CRTAC1: variants seen among roughly 807,000 people sequenced by gnomAD.
The protein encoded by CRTAC1 is acidic secreted protein in cartilage.
In CRTAC1, 37 loss-of-function variants were observed where a neutral mutation model predicts 67.8. The ratio of observed to expected loss-of-function variants is 0.55; its 90% CI spans 0.42 to 0.72. The LOEUF (loss-of-function observed/expected upper bound fraction) is 0.72. Among genes scored for constraint, CRTAC1 ranks in the 30% least tolerant of loss-of-function variants. CRTAC1 has a pLI of 0.00. For synonymous variants in CRTAC1, 348 were observed against 371.0 expected (o/e 0.94, Z 0.71); for missense variants, 780 against 931.6 (o/e 0.84, Z 2.12).
intron 2 of CRTAC1, among the ~76,000 whole-genome samples, chr10:97,969,868 C>G (rs2051679972): frequency 2.6e-5 from 4 of 152,194 alleles, no homozygotes; most frequent in African/African-American, 9.7e-5. Flanking sequence ...TGACCTCACA[C>G]AGTATCAGGG....
intron 14 of CRTAC1, among the ~76,000 whole-genome samples, chr10:97,873,880 A>T (rs1042378950): frequency 1.3e-5 from 2 of 152,082 alleles, no homozygotes; most frequent in African/African-American, 4.8e-5. Flanking sequence ...TCCTCTCTGC[A>T]CTCGGGACCC....
chr10:97,931,138 C>T (rs2147880), intron 3 of CRTAC1, among the ~76,000 whole-genome samples: 131,514 of 152,152 alleles, frequency 0.86, 57,901 homozygotes, highest in South Asian at 0.96. Flanking sequence ...ATTAAAACTG[C>T]ACTTAGATAT....
intron 2 of CRTAC1, among the ~76,000 whole-genome samples, chr10:97,954,107 C>T (rs1305351921): frequency 6.6e-6 from 1 of 152,098 alleles, no homozygotes; most frequent in Non-Finnish European, 1.5e-5. Flanking sequence ...CCCTGCAGAA[C>T]CCCAGACCCC....
intron 3 of CRTAC1, among the ~76,000 whole-genome samples, chr10:97,935,561 C>T (rs928539251): frequency 6.6e-6 from 1 of 152,190 alleles, no homozygotes; most frequent in Non-Finnish European, 1.5e-5. Flanking sequence ...CGGATGCACA[C>T]TTCAGTTCGG....
intron 2 of CRTAC1, among the ~76,000 whole-genome samples, chr10:97,956,241 C>A (rs968073734): frequency 9.9e-5 from 15 of 152,260 alleles, no homozygotes; most frequent in African/African-American, 3.6e-4. Flanking sequence ...TGACTGCTTA[C>A]TGTCTGCCAG....
chr10:97,879,903 A>G, intron 14 of CRTAC1: 1 of 1,115,554 alleles, frequency 9.0e-7, no homozygotes, highest in Non-Finnish European at 1.3e-6. Context: ...AGAAATTACC[A>G]GTTTAGAAAT....
rs1554938458 is a variant in CRTAC1 at position 98,029,488 on chromosome 10, AGCAGCGGCG to A, written c.24+952_24+960del. 6.5e-5 allele frequency among the ~76,000 whole-genome samples: 8 copies of A among 122,838 alleles called. No homozygotes were observed. Among genetic ancestry groups the A allele is most frequent in the Admixed American group, 1.6e-4 (2 of 12,826 alleles). The allele number at this position is 122,838 out of a possible 152,430, so 80.6% of individuals were successfully genotyped here. The stretch of plus-strand genomic sequence containing the variant: ...CACACTGGGTGCACCCACCAGCAGC[AGCAGCGGCG>A]GCGGCGGCGGCGGCGGCGGCGGCGG... On this transcript the variant is annotated intron_variant, in intron 1 of 14. Coordinates refer to ENST00000370597, the MANE Select transcript of CRTAC1 (RefSeq NM_018058.7). The surrounding 1 kb of genome is among the most constrained non-coding windows in gnomAD (Gnocchi z 4.7).
chr10:97,923,477 G>A (rs1459886916), intron 3 of CRTAC1, 77 bp from the exon 4 acceptor site: 15 of 1,577,560 alleles, frequency 9.5e-6, no homozygotes, highest in South Asian at 4.5e-5. Context: ...ATGTCTCATG[G>A]CACCTTTCAC....
intron 3 of CRTAC1, among the ~76,000 whole-genome samples, chr10:97,928,102 G>A (rs2050949354): frequency 6.6e-6 from 1 of 152,248 alleles, no homozygotes; most frequent in African/African-American, 2.4e-5. Flanking sequence ...ATTTGGGGCA[G>A]GGCAGGGGGC....
chr10:97,890,230 C>T (rs2050349234), intron 11 of CRTAC1, among the ~76,000 whole-genome samples: 1 of 152,122 alleles, frequency 6.6e-6, no homozygotes, highest in African/African-American at 2.4e-5. Context: ...GATCTTCCTG[C>T]CTCATCCTCC....
Position 97,975,047 on chromosome 10 carries a change from G to T in CRTAC1, c.224+36091C>A, listed in dbSNP as rs554957274. Among the ~76,000 whole-genome samples, 3 of 152,216 alleles carry T rather than the reference G, an allele frequency of 2.0e-5. No individual in the cohort carries two copies. Among genetic ancestry groups the T allele is most frequent in the Non-Finnish European group, 2.9e-5 (2 of 68,008 alleles). On this transcript the variant is annotated intron_variant, in intron 2 of 14. Coordinates refer to ENST00000370597, the MANE Select transcript of CRTAC1 (RefSeq NM_018058.7). The surrounding 1 kb of genome is among the most constrained non-coding windows in gnomAD (Gnocchi z 4.8). ...GAGGCCGGAGCGCGGGCAGGGACTG[G>T]CGCGGGATCGATTCCCGGGTGGCGG...
rs569011920 is a variant in CRTAC1, at chr10:97,919,465, G to T, written c.559-1809C>A. ...ATGTTGCTGGAATATAAAATGCAAG[G>T]CAGAGAGTGTCAAGGGATGAAGCTG... On this transcript the variant is annotated intron_variant, in intron 4 of 14. Coordinates refer to ENST00000370597, the MANE Select transcript of CRTAC1 (RefSeq NM_018058.7). Among the ~76,000 whole-genome samples, 60 of 152,306 alleles carry T rather than the reference G, an allele frequency of 3.9e-4. No individual in the cohort carries two copies. The South Asian group carries it at 6.4e-3, about 16-fold the overall frequency.
At chr10:97,938,073 G>A (rs1182571294) in intron 2 of CRTAC1, among the ~76,000 whole-genome samples, 10 of 152,216 alleles carry the variant, frequency 6.6e-5, no homozygotes, top group Non-Finnish European at 1.2e-4. Context: ...GGGCACCTTC[G>A]GGCACCCATA....
In CRTAC1 at chr10:98,030,012, C is replaced by G. The variant is rs923462245; in HGVS notation, c.24+437G>C. Among the ~76,000 whole-genome samples the G allele has an allele frequency of 1.3e-5, 2 of 152,050 alleles. No homozygotes were observed. Among genetic ancestry groups the G allele is most frequent in the African/African-American group, 4.8e-5 (2 of 41,416 alleles). The stretch of plus-strand genomic sequence containing the variant: ...CAGCCTGGAAGCGTAGGCACTCGGC[C>G]GAGGCCAGTGGCTTCCCAGGCCCGG... On this transcript the variant is annotated intron_variant, in intron 1 of 14. Transcript: ENST00000370597. The surrounding 1 kb of genome is among the most constrained non-coding windows in gnomAD (Gnocchi z 4.2).
chr10:97,897,653 C>T (rs778547766), intron 8 of CRTAC1, among the ~76,000 whole-genome samples: 11 of 152,292 alleles, frequency 7.2e-5, no homozygotes, highest in Middle Eastern at 3.4e-3. Context: ...TGGGTTGCAG[C>T]GGTTCTGTTT....
intron 3 of CRTAC1, among the ~76,000 whole-genome samples, chr10:97,925,730 AGT>A: frequency 6.9e-6 from 1 of 145,760 alleles, no homozygotes; most frequent in African/African-American, 2.6e-5. Flanking sequence ...GGGGAGGGTG[AGT>A]GAGAATGAGT....
chr10:97,939,099 C>T (rs1359510014), intron 2 of CRTAC1, among the ~76,000 whole-genome samples: 1 of 152,198 alleles, frequency 6.6e-6, no homozygotes, highest in Non-Finnish European at 1.5e-5. Context: ...ACACCCTTCC[C>T]CTGCACCCCT....
intron 7 of CRTAC1, among the ~76,000 whole-genome samples, 185 bp downstream of exon 7, chr10:97,904,484 C>T (rs184780191): frequency 7.9e-5 from 12 of 152,138 alleles, no homozygotes; most frequent in East Asian, 5.8e-4. Flanking sequence ...TGCAGTAGCA[C>T]GATCTCAGCT....
At chr10:98,025,798 G>T (rs1264161928) in intron 1 of CRTAC1, among the ~76,000 whole-genome samples, 2 of 152,186 alleles carry the variant, frequency 1.3e-5, no homozygotes, top group African/African-American at 2.4e-5. Context: ...CTCCAAGGAA[G>T]GCTTCTCCCA....
Sources: gnomAD v4.1 joint callset for allele counts (sites outside exome capture counted in the v4.1 genomes callset) on GRCh38, gnomAD v4.1.1 for gene constraint, Gnocchi (gnomAD v3.1) non-coding constraint, MANE v1.5 for transcripts, NCBI Gene and HGNC (gene_info 2026-07-23, HGNC 2026-07-21) for gene names.